IL5RA: variants seen among roughly 807,000 people sequenced by gnomAD.
IL5RA encodes interleukin 5 receptor subunit alpha, also known as interleukin-5 receptor subunit alpha.
A neutral mutation model predicts 50.0 loss-of-function variants in IL5RA; 49 were observed. The observed-to-expected ratio is 0.98, with a 90% CI of 0.78 to 1.24. The LOEUF (loss-of-function observed/expected upper bound fraction) is 1.24. Ranked by LOEUF, IL5RA falls within the 50% of genes most tolerant of loss-of-function variation. The probability of loss-of-function intolerance (pLI) is 0.00; values close to 1 mark genes in which losing one functional copy is unlikely to be tolerated. For missense variants in IL5RA, 600 were observed against 500.4 expected (o/e 1.20, Z -1.90); for synonymous variants, 202 against 174.0 (o/e 1.16, Z -1.26).
chr3:3,087,791 G>C (rs1357385981), intron 9 of IL5RA, among the ~76,000 whole-genome samples: 1 of 152,144 alleles, frequency 6.6e-6, no homozygotes, highest in Admixed American at 6.5e-5. Flanking sequence ...ATCGCCTGAT[G>C]GACTCCTAGC....
At chr3:3,099,074 T>C (rs1703505303) in intron 5 of IL5RA, among the ~76,000 whole-genome samples, 1 of 152,246 alleles carries the variant, frequency 6.6e-6, no homozygotes, top group Non-Finnish European at 1.5e-5. Flanking sequence ...TGTATCCAAA[T>C]TCTTCATGAA....
intron 9 of IL5RA, among the ~76,000 whole-genome samples, chr3:3,087,153 G>T (rs773797475): frequency 2.1e-4 from 32 of 152,260 alleles, no homozygotes; most frequent in Non-Finnish European, 4.4e-4. Flanking sequence ...TAAAAGCCCA[G>T]ACTTAACCAC....
chr3:3,086,286 C>T (rs1289115025), intron 9 of IL5RA, among the ~76,000 whole-genome samples: 1 of 152,110 alleles, frequency 6.6e-6, no homozygotes, highest in Non-Finnish European at 1.5e-5. Flanking sequence ...GGCATTTGAG[C>T]TTCATGGATG....
Position 3,076,537 on chromosome 3 carries a change from C to T in IL5RA, c.1085G>A (p.Cys362Tyr). ...CFILLILSLICKICHLWIKLF... is the reference protein window; with the variant it reads ...CFILLILSLIYKICHLWIKLF... ...AAATGTAAAGAACACTTACATTTTA[C>T]AGATAAGCGAGAGAATTAACAAGAT... Residue 362 changes from cysteine (C) to tyrosine (Y), a missense_variant, in exon 10 of 12, where the codon TGT (cysteine) becomes TAT (tyrosine). Physicochemically the swap from Cys to Tyr is radical, Grantham distance 194. Coordinates refer to ENST00000446632, the MANE Select transcript of IL5RA (RefSeq NM_175726.4). 2 of 1,602,018 alleles carry T rather than the reference C, an allele frequency of 1.2e-6. No homozygotes were observed. Among genetic ancestry groups the T allele is most frequent in the Non-Finnish European group, 1.7e-6 (2 of 1,169,740 alleles).
At position 3,092,070 on chromosome 3, in the gene IL5RA, T is replaced by C; in HGVS notation, c.994+154A>G. ...CTTCACTGGCTTCATGGCAAATCTA[T>C]TCCTGATTGAAAAGGCAGTAGACCG... On this transcript the variant is annotated intron_variant, in intron 9 of 11. Transcript: ENST00000446632. The surrounding 1 kb of genome is among the most constrained non-coding windows in gnomAD (Gnocchi z 4.2). 1 of 1,412,494 alleles carries C rather than the reference T, an allele frequency of 7.1e-7. No homozygotes were observed. Among genetic ancestry groups the C allele is most frequent in the Non-Finnish European group, 9.2e-7 (1 of 1,088,114 alleles). 87.5% of individuals were successfully genotyped at this position (1,412,494 alleles called of 1,614,324 possible). A position where few individuals can be genotyped will look rare whatever the true frequency, so the allele number is the denominator to read the frequency against.
chr3:3,086,801 A>G (rs1702881154), intron 9 of IL5RA, among the ~76,000 whole-genome samples: 1 of 152,252 alleles, frequency 6.6e-6, no homozygotes, highest in South Asian at 2.1e-4. Context: ...TTGCAAAGAT[A>G]TGGAATCCAC....
At position 3,090,380 on chromosome 3, in the gene IL5RA, G is replaced by C; in HGVS notation, c.994+1844C>G. ...CTTCCCACCATCCCATGCTCTTATA[G>C]ACCTAGTGCAACAGTTAACGACGTG... On this transcript the variant is annotated intron_variant, in intron 9 of 11. Coordinates refer to ENST00000446632, the MANE Select transcript of IL5RA (RefSeq NM_175726.4). 5.7e-6 allele frequency: 4 copies of C among 706,482 alleles called. No individual in the cohort carries two copies. In the South Asian group the frequency reaches 7.3e-5, roughly 13 times the overall value. 43.8% of individuals were successfully genotyped at this position (706,482 alleles called of 1,614,324 possible).
chr3:3,070,237 A>C lies in IL5RA; in HGVS notation c.1251T>G (p.Asp417Glu), dbSNP rs1702252327. 6.2e-7 allele frequency: 1 copy of C among 1,611,068 alleles called. No individual in the cohort carries two copies. Among genetic ancestry groups the C allele is most frequent in the Non-Finnish European group, 8.5e-7 (1 of 1,177,564 alleles). The change falls in exon 12 of 12, where the codon GAT becomes GAG. Residue 417 changes from aspartate to glutamate, a missense_variant. Asp to Glu is a conservative substitution (Grantham distance 45). Transcript: ENST00000446632. ...IEKPGVETLE[D>E]SVF The stretch of plus-strand genomic sequence containing the variant: ...GCCAAAGTGACAGTCAAAACACAGA[A>C]TCCTCCAGGGTCTCAACTCCAGGCT...
chr3:3,074,978 C>G (rs966722700), intron 10 of IL5RA, 112 bp from the exon 11 acceptor site: 5 of 685,048 alleles, frequency 7.3e-6, no homozygotes, highest in African/African-American at 3.6e-5. Context: ...TTTGTAAATT[C>G]AAAATCTTTA....
Position 3,097,485 on chromosome 3 carries a change from C to G in IL5RA, c.709+385G>C, listed in dbSNP as rs17879449. On this transcript the variant is annotated intron_variant, in intron 7 of 11. Transcript: ENST00000446632. ...GAAGGATTAAATGGTCTCTTTTAAG[C>G]AGCTAAATTCACTTTTTCTGGTGCA... Among the ~76,000 whole-genome samples the G allele has an allele frequency of 3.2e-3, 484 of 152,262 alleles. 1 individual carries two copies. The highest frequency in any genetic ancestry group is 0.011 in the African/African-American group (456 of 41,546).
chr3:3,085,286 A>G (rs1195786376), intron 9 of IL5RA, among the ~76,000 whole-genome samples: 1 of 152,226 alleles, frequency 6.6e-6, no homozygotes, highest in Non-Finnish European at 1.5e-5. Context: ...AATTTCTGCT[A>G]CTGTGTAGAC....
chr3:3,076,460 A>T, intron 10 of IL5RA, 71 bp downstream of exon 10: 1 of 954,114 alleles, frequency 1.0e-6, no homozygotes, highest in South Asian at 1.4e-5. Context: ...TGCCTACCGG[A>T]TGCATGGTAA....
chr3:3,083,177 C>A (rs1172730038), intron 9 of IL5RA, among the ~76,000 whole-genome samples: 1 of 152,184 alleles, frequency 6.6e-6, no homozygotes, highest in Non-Finnish European at 1.5e-5. Context: ...AGATCACAGG[C>A]TTCCAGTGCA....
chr3:3,071,599 T>TGTA (rs1559858931), intron 11 of IL5RA, among the ~76,000 whole-genome samples: 9 of 107,852 alleles, frequency 8.3e-5, no homozygotes, highest in Middle Eastern at 5.5e-3. Context: ...GTGTGTGTAT[T>TGTA]TTTTTTTTTT....
chr3:3,072,037 C>T (rs1044513256), intron 11 of IL5RA, among the ~76,000 whole-genome samples: 3 of 152,236 alleles, frequency 2.0e-5, no homozygotes, highest in African/African-American at 7.2e-5. Context: ...GGTTTCCTTT[C>T]CCACTAGCCA....
At chr3:3,079,499 C>T (rs866704429) in intron 9 of IL5RA, among the ~76,000 whole-genome samples, 6 of 152,256 alleles carry the variant, frequency 3.9e-5, no homozygotes, top group South Asian at 2.1e-4. Context: ...TGATTAGTGC[C>T]GGACAGGCAG....
chr3:3,083,918 A>G (rs1451320537), intron 9 of IL5RA, among the ~76,000 whole-genome samples: 1 of 152,072 alleles, frequency 6.6e-6, no homozygotes, highest in Non-Finnish European at 1.5e-5. Flanking sequence ...GCGGGGTGGC[A>G]TGAGTAATTC....
chr3:3,107,086 A>G (rs1249853826), intron 2 of IL5RA, among the ~76,000 whole-genome samples: 1 of 152,120 alleles, frequency 6.6e-6, no homozygotes, highest in Non-Finnish European at 1.5e-5. Flanking sequence ...TTCAAATTTA[A>G]TCATTCAAAA....
chr3:3,088,998 G>C (rs879259738), intron 9 of IL5RA, among the ~76,000 whole-genome samples: 1 of 152,176 alleles, frequency 6.6e-6, no homozygotes, highest in Non-Finnish European at 1.5e-5. Context: ...CTGGGGAACA[G>C]AGTGAATTTT....
Sources: allele counts gnomAD v4.1 joint callset (sites outside exome capture counted in the v4.1 genomes callset), GRCh38; gene constraint gnomAD v4.1.1; non-coding constraint Gnocchi (gnomAD v3.1); transcripts MANE v1.5; gene names NCBI Gene and HGNC (gene_info 2026-07-23, HGNC 2026-07-21).